ANKFY1: variants seen among roughly 807,000 people sequenced by gnomAD.
ANKFY1 encodes ankyrin repeat and FYVE domain containing 1, also known as ankyrin repeat and FYVE domain-containing protein 1.
In ANKFY1, 47 loss-of-function variants were observed where a neutral mutation model predicts 128.3. The ratio of observed to expected loss-of-function variants is 0.37; its 90% CI spans 0.29 to 0.47. ANKFY1 has a LOEUF of 0.47. Among genes scored for constraint, ANKFY1 ranks in the 20% least tolerant of loss-of-function variants. The pLI is 1.00. For missense variants in ANKFY1, 1,222 were observed against 1,510.6 expected (o/e 0.81, Z 3.17); for synonymous variants, 553 against 601.6 (o/e 0.92, Z 1.18).
At chr17:4,193,585 C>T (rs1399582019) in intron 10 of ANKFY1, among the ~76,000 whole-genome samples, 1 of 151,684 alleles carries the variant, frequency 6.6e-6, no homozygotes, top group Non-Finnish European at 1.5e-5. Context: ...CGCCATCACG[C>T]CCGGCTAATT....
At position 4,167,967 on chromosome 17, in the gene ANKFY1, C is replaced by T; in HGVS notation, c.3378-56G>A. 6.3e-7 allele frequency: 1 copy of T among 1,575,752 alleles called. No individual in the cohort carries two copies. The highest frequency in any genetic ancestry group is 8.6e-7 in the Non-Finnish European group (1 of 1,157,266). ...GAGCGCCAACGACAGACTCTGCTTCCTGGCACGTGAGGACAACCGCAGCAG... is the reference window on the plus strand; with the variant it reads ...GAGCGCCAACGACAGACTCTGCTTCTTGGCACGTGAGGACAACCGCAGCAG... On this transcript the variant is annotated intron_variant, in intron 24 of 24. Coordinates refer to ENST00000341657, the MANE Select transcript of ANKFY1 (RefSeq NM_001330063.2). This position sits in a 1 kb window ranked among gnomAD's most constrained non-coding sequence, Gnocchi z 4.1.
intron 1 of ANKFY1, among the ~76,000 whole-genome samples, chr17:4,243,145 C>T (rs1967343282): frequency 6.6e-6 from 1 of 152,166 alleles, no homozygotes; most frequent in Non-Finnish European, 1.5e-5. Context: ...GGGCTCACTG[C>T]AACCTCCGCC....
At chr17:4,257,557 T>C (rs890080760) in intron 1 of ANKFY1, among the ~76,000 whole-genome samples, 2 of 152,118 alleles carry the variant, frequency 1.3e-5, no homozygotes, top group African/African-American at 4.8e-5. Context: ...TTTTCAAAGC[T>C]CAGTTCAAGC....
At chr17:4,211,840 C>T (rs929759306) in intron 4 of ANKFY1, among the ~76,000 whole-genome samples, 3 of 151,840 alleles carry the variant, frequency 2.0e-5, no homozygotes, top group African/African-American at 7.3e-5. Flanking sequence ...GAACCGTGAT[C>T]GCACCACTGT....
chr17:4,183,594 G>A (rs867426102), intron 13 of ANKFY1, 43 bp from the exon 14 acceptor site: 9 of 1,600,832 alleles, frequency 5.6e-6, no homozygotes, highest in African/African-American at 1.3e-5. Context: ...GGCTTTTCCC[G>A]CTTCCTCAAC....
chr17:4,226,916 G>A (rs2060436218), intron 3 of ANKFY1, among the ~76,000 whole-genome samples: 1 of 152,026 alleles, frequency 6.6e-6, no homozygotes, highest in Admixed American at 6.6e-5. Flanking sequence ...AGGAGTTATT[G>A]CTACAGACAT....
At chr17:4,175,680 C>T (rs74722448) in intron 19 of ANKFY1, among the ~76,000 whole-genome samples, 4,335 of 152,110 alleles carry the variant, frequency 0.028, 199 homozygotes, top group African/African-American at 0.099. Context: ...AATCACTGAT[C>T]GATAAGACAT....
rs76385070 is a variant in ANKFY1, at chr17:4,257,655, T to G, written c.10+6277A>C. On this transcript the variant is annotated intron_variant, in intron 1 of 24. Coordinates refer to ENST00000341657, the MANE Select transcript of ANKFY1 (RefSeq NM_001330063.2). The stretch of plus-strand genomic sequence containing the variant: ...AAAATCTCTCCCTGAGTTTTCAAAG[T>G]AACTCCTAAGCATTTTTTACCCTTC... Among the ~76,000 whole-genome samples, 162 of 152,344 alleles carry G rather than the reference T, an allele frequency of 1.1e-3. 4 individuals are homozygous for G. In the East Asian group the frequency reaches 0.031, roughly 29 times the overall value.
At chr17:4,190,845 G>C (rs34348519) in intron 10 of ANKFY1, among the ~76,000 whole-genome samples, 36,453 of 152,046 alleles carry the variant, frequency 0.24, 4,905 homozygotes, top group Non-Finnish European at 0.3. Flanking sequence ...ACAAGATAAA[G>C]AACTGTGACA....
chr17:4,170,237 T>C lies in ANKFY1; in HGVS notation c.3286+478A>G, dbSNP rs74697514. Among the ~76,000 whole-genome samples the C allele has an allele frequency of 4.9e-3, 749 of 152,340 alleles. 5 individuals are homozygous for C. The highest frequency in any genetic ancestry group is 0.018 in the African/African-American group (729 of 41,576). On this transcript the variant is annotated intron_variant, in intron 23 of 24. Coordinates refer to ENST00000341657, the MANE Select transcript of ANKFY1 (RefSeq NM_001330063.2). Reference sequence around the variant, plus strand: ...GACACAGCACAGGCACTCGAGACATTCTGATTCTTTCTGTCACCTCAGCAG... The same window carrying C: ...GACACAGCACAGGCACTCGAGACATCCTGATTCTTTCTGTCACCTCAGCAG...
intron 1 of ANKFY1, among the ~76,000 whole-genome samples, chr17:4,243,690 C>A (rs1198437573): frequency 2.6e-5 from 4 of 152,178 alleles, no homozygotes; most frequent in Non-Finnish European, 4.4e-5. Context: ...GCTCTCCAAC[C>A]CTGGCACCTA....
At chr17:4,190,382 A>G (rs1283164485) in intron 10 of ANKFY1, among the ~76,000 whole-genome samples, 1 of 152,120 alleles carries the variant, frequency 6.6e-6, no homozygotes, top group Non-Finnish European at 1.5e-5. Context: ...CAGAGGTTGC[A>G]GTGAGCCAAG....
intron 19 of ANKFY1, 59 bp downstream of exon 19, chr17:4,177,067 A>G: frequency 1.4e-6 from 2 of 1,432,750 alleles, no homozygotes; most frequent in Non-Finnish European, 1.9e-6. Flanking sequence ...GATTCTGCAC[A>G]AGCTCTACAA....
chr17:4,171,552 G>C (rs2059320275), intron 22 of ANKFY1, among the ~76,000 whole-genome samples: 1 of 152,176 alleles, frequency 6.6e-6, no homozygotes, highest in Admixed American at 6.5e-5. Flanking sequence ...AATGCACCCA[G>C]TCACCCTGCT....
intron 1 of ANKFY1, among the ~76,000 whole-genome samples, chr17:4,245,159 C>T (rs779754707): frequency 3.3e-5 from 5 of 152,152 alleles, no homozygotes; most frequent in Non-Finnish European, 7.4e-5. Context: ...GTCTCTTTCA[C>T]GTGCTTCCCT....
intron 1 of ANKFY1, among the ~76,000 whole-genome samples, 162 bp from the exon 2 acceptor site, chr17:4,242,610 C>T (rs1347344431): frequency 6.6e-6 from 1 of 152,208 alleles, no homozygotes; most frequent in Non-Finnish European, 1.5e-5. Flanking sequence ...ATGGCTTTGA[C>T]GGCTGGGTAC....
intron 7 of ANKFY1, among the ~76,000 whole-genome samples, chr17:4,202,270 ATGTGCC>A (rs2059941538): frequency 6.6e-6 from 1 of 152,010 alleles, no homozygotes; most frequent in South Asian, 2.1e-4. Context: ...GCGTAGTGGC[ATGTGCC>A]TGTAATCCCA....
chr17:4,185,167 G>A lies in ANKFY1; in HGVS notation c.1471-121C>T, dbSNP rs2059588936. The stretch of plus-strand genomic sequence containing the variant: ...CATCCTGCCGCCAGCTGCCCCTCCT[G>A]ACTTCTGTTCTCTTTCTCCTGAGCC... On this transcript the variant is annotated intron_variant, in intron 11 of 24. Coordinates refer to ENST00000341657, the MANE Select transcript of ANKFY1 (RefSeq NM_001330063.2). 3.6e-6 allele frequency: 3 copies of A among 829,162 alleles called. No individual in the cohort carries two copies. In the African/African-American group the frequency reaches 5.0e-5, roughly 14 times the overall value. The allele number at this position is 829,162 out of a possible 1,614,324, so 51.4% of individuals were successfully genotyped here.
At chr17:4,216,768 C>A in intron 4 of ANKFY1, 1 of 602,854 alleles carries the variant, frequency 1.7e-6, no homozygotes, top group Non-Finnish European at 3.0e-6. Context: ...GGTAACAGAC[C>A]AGTGAAAGAA....
Sources: gnomAD v4.1 joint callset for allele counts (sites outside exome capture counted in the v4.1 genomes callset) on GRCh38, gnomAD v4.1.1 for gene constraint, Gnocchi (gnomAD v3.1) non-coding constraint, MANE v1.5 for transcripts, NCBI Gene and HGNC (gene_info 2026-07-23, HGNC 2026-07-21) for gene names.